SSH2: variants seen among roughly 807,000 people sequenced by gnomAD.
SSH2 encodes the protein protein phosphatase Slingshot homolog 2.
SSH2 carries 37 observed loss-of-function variants against 135.2 expected under a neutral mutation model. That is an observed-to-expected ratio of 0.27 (90% CI 0.21 to 0.36). SSH2 has a LOEUF of 0.36. Among genes scored for constraint, SSH2 ranks in the 10% least tolerant of loss-of-function variants. SSH2 has a pLI of 1.00. For synonymous variants in SSH2, 628 were observed against 646.2 expected (o/e 0.97, Z 0.43); for missense variants, 1,408 against 1,765.3 (o/e 0.80, Z 3.63).
At chr17:29,800,671 TTTAA>T (rs2042234833) in intron 2 of SSH2, among the ~76,000 whole-genome samples, 1 of 151,720 alleles carries the variant, frequency 6.6e-6, no homozygotes, top group Non-Finnish European at 1.5e-5. Flanking sequence ...TAATTAAACA[TTTAA>T]TTAATTTAAT....
intron 12 of SSH2, among the ~76,000 whole-genome samples, chr17:29,655,252 C>T (rs902937738): frequency 2.6e-5 from 4 of 151,904 alleles, no homozygotes; most frequent in Non-Finnish European, 5.9e-5. Flanking sequence ...TACAGGCGCC[C>T]GCCACCATGC....
chr17:29,825,972 T>C (rs1344806934), intron 2 of SSH2, among the ~76,000 whole-genome samples: 1 of 152,214 alleles, frequency 6.6e-6, no homozygotes, highest in Non-Finnish European at 1.5e-5. Flanking sequence ...AATAGCTACA[T>C]ATATTAAATA....
At chr17:29,658,799 G>A (rs1269619621) in intron 11 of SSH2, among the ~76,000 whole-genome samples, 2 of 150,626 alleles carry the variant, frequency 1.3e-5, no homozygotes, top group Admixed American at 6.6e-5. Context: ...CCTGGGAGGT[G>A]GAGGTTGTGG....
At chr17:29,855,501 C>A (rs975556542) in intron 1 of SSH2, among the ~76,000 whole-genome samples, 1 of 151,890 alleles carries the variant, frequency 6.6e-6, no homozygotes, top group African/African-American at 2.4e-5. Flanking sequence ...TGAGATCCTG[C>A]CTCAAAAAAT....
At position 29,630,178 on chromosome 17, in the gene SSH2, T is replaced by A. The variant is rs756826161; in HGVS notation, c.*663A>T. 2.6e-5 allele frequency: 4 copies of A among 152,236 alleles called. No individual in the cohort carries two copies. Among genetic ancestry groups the A allele is most frequent in the African/African-American group, 7.2e-5 (3 of 41,466 alleles). 9.4% of individuals were successfully genotyped at this position (152,236 alleles called of 1,614,324 possible). A position where few individuals can be genotyped will look rare whatever the true frequency, so the allele number is the denominator to read the frequency against. On this transcript the variant is annotated 3_prime_UTR_variant, in exon 16 of 16. Coordinates refer to ENST00000540801, the MANE Select transcript of SSH2 (RefSeq NM_001282129.2). ...CACTTGGATTTCATTTGGGGTCCTG[T>A]TTTAATTTCAAAAATAATTTTCTTG...
intron 3 of SSH2, among the ~76,000 whole-genome samples, chr17:29,784,872 C>T (rs1771148720): frequency 6.6e-6 from 1 of 152,206 alleles, no homozygotes; most frequent in Admixed American, 6.5e-5. Context: ...AAATCCCATT[C>T]ATTCATCATG....
chr17:29,673,952 G>A, intron 8 of SSH2: 1 of 330,182 alleles, frequency 3.0e-6, no homozygotes, highest in Non-Finnish European at 6.1e-6. Context: ...GCTATTATTA[G>A]AACACTGACA....
At chr17:29,636,952 T>C (rs1433653702) in intron 14 of SSH2, 150 bp from the exon 15 acceptor site, 16 of 620,764 alleles carry the variant, frequency 2.6e-5, no homozygotes, top group Middle Eastern at 4.2e-4. Context: ...GAAAAGACAA[T>C]TTAATAGCAA....
At chr17:29,778,099 A>T (rs556509989) in intron 3 of SSH2, among the ~76,000 whole-genome samples, 1 of 152,146 alleles carries the variant, frequency 6.6e-6, no homozygotes, top group Non-Finnish European at 1.5e-5. Flanking sequence ...CAGTTTTTCA[A>T]TGAGAACTGA....
chr17:29,833,367 T>C (rs1417101766), intron 2 of SSH2, among the ~76,000 whole-genome samples: 1 of 152,230 alleles, frequency 6.6e-6, no homozygotes, highest in East Asian at 1.9e-4. Context: ...AGTTTTTGTC[T>C]TGAAATCTAT....
At chr17:29,901,778 CCCTT>C (rs1430156501) in intron 1 of SSH2, among the ~76,000 whole-genome samples, 4 of 150,918 alleles carry the variant, frequency 2.7e-5, no homozygotes, top group Non-Finnish European at 5.9e-5. Flanking sequence ...CTCCCTCCCT[CCCTT>C]CCTTCCTTCC....
At chr17:29,706,754 A>G (rs1741208397) in intron 3 of SSH2, among the ~76,000 whole-genome samples, 1 of 152,282 alleles carries the variant, frequency 6.6e-6, no homozygotes, top group Non-Finnish European at 1.5e-5. Flanking sequence ...AGTTCGCTAC[A>G]TCTACAAAAG....
At chr17:29,805,642 C>T (rs772230885) in intron 2 of SSH2, among the ~76,000 whole-genome samples, 21 of 152,066 alleles carry the variant, frequency 1.4e-4, no homozygotes, top group Admixed American at 1.4e-3. Context: ...AGAAAACAGG[C>T]TTTTAAACAT....
At chr17:29,746,547 CAAAAAAAAAAA>C (rs57217896) in intron 3 of SSH2, among the ~76,000 whole-genome samples, 2 of 67,946 alleles carry the variant, frequency 2.9e-5, no homozygotes, top group Non-Finnish European at 5.2e-5. Context: ...GACTCTGTCT[CAAAAAAAAAAA>C]AAAAAAAAAA....
chr17:29,754,496 AG>A (rs2041052576), intron 3 of SSH2, among the ~76,000 whole-genome samples: 2 of 152,180 alleles, frequency 1.3e-5, no homozygotes. Context: ...ATGTGCTTCT[AG>A]GAAGTCAAGT....
chr17:29,848,362 C>T (rs2065483736), intron 2 of SSH2, among the ~76,000 whole-genome samples: 1 of 152,134 alleles, frequency 6.6e-6, no homozygotes, highest in Admixed American at 6.5e-5. Flanking sequence ...ATGATCAGGT[C>T]GGGTTTCCAG....
intron 2 of SSH2, among the ~76,000 whole-genome samples, chr17:29,841,363 T>C (rs556627917): frequency 1.3e-5 from 2 of 152,274 alleles, no homozygotes; most frequent in African/African-American, 4.8e-5. Context: ...TTACTCTAGC[T>C]CCCTAGCAAT....
chr17:29,684,360 C>G (rs2151077117), intron 6 of SSH2, among the ~76,000 whole-genome samples: 1 of 152,118 alleles, frequency 6.6e-6, no homozygotes, highest in East Asian at 1.9e-4. Context: ...ACCTGTAATT[C>G]CAGCTACTCA....
chr17:29,770,297 C>T (rs2041553229), intron 3 of SSH2, among the ~76,000 whole-genome samples: 1 of 151,554 alleles, frequency 6.6e-6, no homozygotes, highest in South Asian at 2.1e-4. Context: ...TTGGTAGAGA[C>T]AAGGTTTTGC....
Sources: gnomAD v4.1 joint callset for allele counts (sites outside exome capture counted in the v4.1 genomes callset) on GRCh38, gnomAD v4.1.1 for gene constraint, MANE v1.5 for transcripts, NCBI Gene and HGNC (gene_info 2026-07-23, HGNC 2026-07-21) for gene names.